DSCAM: variants seen among roughly 807,000 people sequenced by gnomAD.
DSCAM encodes cell adhesion molecule DSCAM.
In DSCAM, 47 loss-of-function variants were observed where a neutral mutation model predicts 217.7. The ratio of observed to expected loss-of-function variants is 0.22; its 90% CI spans 0.17 to 0.28. The LOEUF (loss-of-function observed/expected upper bound fraction) is 0.28, where lower values mean the gene tolerates loss of function less well. DSCAM is among the 10% of genes least tolerant of loss of function. DSCAM has a pLI of 1.00. For missense variants in DSCAM, 2,080 were observed against 2,618.3 expected, an observed-to-expected ratio of 0.79 and a Z score of 4.49; for synonymous variants, 1,056 against 1,015.3, an observed-to-expected ratio of 1.04 and a Z score of -0.76.
At chr21:40,789,229 G>C (rs2091618492) in intron 1 of DSCAM, among the ~76,000 whole-genome samples, 1 of 150,390 alleles carries the variant, frequency 6.6e-6, no homozygotes, top group Admixed American at 6.6e-5. Context: ...AGGACGACGA[G>C]GAAAGATAGC....
chr21:40,710,264 A>C (rs1463049084), intron 1 of DSCAM, among the ~76,000 whole-genome samples: 1 of 147,034 alleles, frequency 6.8e-6, no homozygotes, highest in East Asian at 2.0e-4. Flanking sequence ...ATGTCAAATC[A>C]ACAATACACT....
intron 11 of DSCAM, among the ~76,000 whole-genome samples, chr21:40,227,209 T>G (rs2091340951): frequency 1.3e-5 from 2 of 152,172 alleles, no homozygotes; most frequent in South Asian, 4.1e-4. Flanking sequence ...AAATGTGTCA[T>G]GGTTGACTCT....
intron 28 of DSCAM, among the ~76,000 whole-genome samples, chr21:40,062,008 A>G (rs2837407): frequency 0.5 from 75,531 of 152,104 alleles, 18,949 homozygotes; most frequent in East Asian, 0.6. Context: ...TGCAAATATC[A>G]GGGTGAGGTA....
intron 1 of DSCAM, among the ~76,000 whole-genome samples, chr21:40,805,239 C>T (rs2091775407): frequency 6.6e-6 from 1 of 152,194 alleles, no homozygotes; most frequent in African/African-American, 2.4e-5. Flanking sequence ...CTCTTAAAAT[C>T]TGGCCACTGC....
At chr21:40,456,908 T>C (rs2145940554) in intron 3 of DSCAM, among the ~76,000 whole-genome samples, 1 of 152,322 alleles carries the variant, frequency 6.6e-6, no homozygotes, top group South Asian at 2.1e-4. Context: ...CCACATTTAT[T>C]CTATTTAACT....
chr21:40,609,713 A>C (rs2089288636), intron 3 of DSCAM, among the ~76,000 whole-genome samples: 1 of 152,252 alleles, frequency 6.6e-6, no homozygotes, highest in African/African-American at 2.4e-5. Context: ...GGTAAAAAAG[A>C]TGTTGGGAAA....
intron 11 of DSCAM, among the ~76,000 whole-genome samples, chr21:40,226,675 T>TATAG (rs1478425469): frequency 1.3e-5 from 2 of 152,290 alleles, no homozygotes; most frequent in Non-Finnish European, 2.9e-5. Flanking sequence ...AGAACAGCAA[T>TATAG]ATAGATCTTT....
intron 3 of DSCAM, among the ~76,000 whole-genome samples, chr21:40,688,149 A>G (rs2146441323): frequency 6.6e-6 from 1 of 152,326 alleles, no homozygotes; most frequent in East Asian, 1.9e-4. Context: ...GGCCACTGCT[A>G]AAGAGGGAGG....
At chr21:40,665,032 T>C (rs1330756937) in intron 3 of DSCAM, among the ~76,000 whole-genome samples, 1 of 152,148 alleles carries the variant, frequency 6.6e-6, no homozygotes, top group East Asian at 1.9e-4. Flanking sequence ...TGCTTCACCT[T>C]CTGCCATGAT....
At chr21:40,111,972 C>T (rs2089904820) in intron 20 of DSCAM, among the ~76,000 whole-genome samples, 1 of 151,982 alleles carries the variant, frequency 6.6e-6, no homozygotes, top group African/African-American at 2.4e-5. Flanking sequence ...TAATGGGAGA[C>T]TTTAACACCC....
chr21:40,495,650 C>T (rs2076112354), intron 3 of DSCAM, among the ~76,000 whole-genome samples: 1 of 152,112 alleles, frequency 6.6e-6, no homozygotes. Flanking sequence ...CTTGTCCTTT[C>T]TGTTCTACTT....
chr21:40,756,268 C>T (rs901568804), intron 1 of DSCAM, among the ~76,000 whole-genome samples: 1 of 152,214 alleles, frequency 6.6e-6, no homozygotes, highest in Non-Finnish European at 1.5e-5. Flanking sequence ...CCCTCTTTGC[C>T]TTCTGCCATG....
At chr21:40,256,841 C>T (rs1409680442) in intron 11 of DSCAM, among the ~76,000 whole-genome samples, 2 of 152,150 alleles carry the variant, frequency 1.3e-5, no homozygotes, top group African/African-American at 2.4e-5. Flanking sequence ...CTTGTCAACT[C>T]GGCATCCATG....
intron 5 of DSCAM, 121 bp downstream of exon 5, chr21:40,353,344 T>C: frequency 7.5e-7 from 1 of 1,332,098 alleles, no homozygotes; most frequent in Admixed American, 2.5e-5. Context: ...TTTCTGTTGA[T>C]CTCAGCTGGA....
At chr21:40,454,215 T>A (rs1275089964) in intron 3 of DSCAM, among the ~76,000 whole-genome samples, 1 of 152,200 alleles carries the variant, frequency 6.6e-6, no homozygotes, top group African/African-American at 2.4e-5. Context: ...TCAGGTTTCA[T>A]TCCCAGTTAT....
chr21:40,086,302 C>T (rs765166322), intron 22 of DSCAM, among the ~76,000 whole-genome samples: 9 of 152,238 alleles, frequency 5.9e-5, no homozygotes, highest in South Asian at 2.1e-4. Context: ...ACCACTGCTC[C>T]GGTGGCAGAT....
chr21:40,627,823 AT>A (rs1412848350), intron 3 of DSCAM, among the ~76,000 whole-genome samples: 1 of 152,174 alleles, frequency 6.6e-6, no homozygotes, highest in African/African-American at 2.4e-5. Flanking sequence ...TTGGATTCAG[AT>A]TTACTAACTT....
intron 3 of DSCAM, among the ~76,000 whole-genome samples, chr21:40,610,493 C>T (rs1031848606): frequency 2.6e-5 from 4 of 152,182 alleles, no homozygotes; most frequent in African/African-American, 2.4e-5. Flanking sequence ...TTCCAGCTTC[C>T]GGTGGGAACA....
At chr21:40,719,070 C>T (rs149772053) in intron 1 of DSCAM, among the ~76,000 whole-genome samples, 15 of 152,086 alleles carry the variant, frequency 9.9e-5, no homozygotes, top group African/African-American at 2.7e-4. Context: ...GAGCCGAGAT[C>T]GCACCACTGC....
Sources: allele counts gnomAD v4.1 joint callset (sites outside exome capture counted in the v4.1 genomes callset), GRCh38; gene constraint gnomAD v4.1.1; transcripts MANE v1.5; gene names NCBI Gene and HGNC (gene_info 2026-07-23, HGNC 2026-07-21).